The following UGGT2 variants were observed in gnomAD, a reference collection of about 807,000 sequenced individuals.
UGGT2 encodes the protein UDP-glucose glycoprotein glucosyltransferase 2.
UGGT2 carries 180 observed loss-of-function variants against 192.1 expected under a neutral mutation model. The observed-to-expected ratio is 0.94, with a 90% CI of 0.83 to 1.06. UGGT2 has a LOEUF of 1.06. Among genes scored for constraint, UGGT2 ranks in the 50% least tolerant of loss-of-function variants. The pLI is 0.00. For missense variants in UGGT2, 1,849 were observed against 1,795.7 expected, an observed-to-expected ratio of 1.03 and a Z score of -0.54; for synonymous variants, 580 against 591.0, an observed-to-expected ratio of 0.98 and a Z score of 0.27.
chr13:95,871,891 C>T (rs1891253654), intron 29 of UGGT2, among the ~76,000 whole-genome samples: 1 of 152,138 alleles, frequency 6.6e-6, no homozygotes, highest in African/African-American at 2.4e-5. Flanking sequence ...TACTGCAGAG[C>T]CAGCAAAGTT....
At chr13:95,965,112 G>T (rs1270452422) in intron 12 of UGGT2, among the ~76,000 whole-genome samples, 46 of 150,564 alleles carry the variant, frequency 3.1e-4, no homozygotes, top group African/African-American at 1.0e-3. Flanking sequence ...AGAGGATGTG[G>T]AGAAATAGGA....
At chr13:96,016,386 C>A (rs1018276809) in intron 4 of UGGT2, among the ~76,000 whole-genome samples, 3 of 152,196 alleles carry the variant, frequency 2.0e-5, no homozygotes, top group Non-Finnish European at 4.4e-5. Flanking sequence ...GGCAGCCCCT[C>A]TCATCATACA....
intron 10 of UGGT2, chr13:95,983,440 C>T: frequency 3.0e-6 from 1 of 332,754 alleles, no homozygotes; most frequent in South Asian, 2.6e-5. Flanking sequence ...ATTCTATCTG[C>T]TATAGGATTC....
chr13:95,959,636 G>A (rs1319829968), intron 12 of UGGT2, among the ~76,000 whole-genome samples: 1 of 152,160 alleles, frequency 6.6e-6, no homozygotes, highest in Non-Finnish European at 1.5e-5. Flanking sequence ...CTGGGCAATG[G>A]CTGACCCAGC....
chr13:96,022,246 G>T (rs954456675), intron 4 of UGGT2, among the ~76,000 whole-genome samples: 10 of 151,860 alleles, frequency 6.6e-5, no homozygotes, highest in African/African-American at 2.4e-4. Context: ...ATTACAGATA[G>T]ATTAAAAGTT....
chr13:95,950,201 CTCAAG>C (rs1475371094), intron 12 of UGGT2, among the ~76,000 whole-genome samples: 10 of 152,094 alleles, frequency 6.6e-5, no homozygotes, highest in Admixed American at 5.9e-4. Context: ...ACAAATTCCT[CTCAAG>C]TCATTTGCTG....
intron 1 of UGGT2, among the ~76,000 whole-genome samples, chr13:96,033,454 G>A (rs1275311721): frequency 1.3e-5 from 2 of 152,084 alleles, no homozygotes; most frequent in African/African-American, 2.4e-5. Context: ...GTGCTTTTGG[G>A]GGCTGAAGGC....
intron 20 of UGGT2, among the ~76,000 whole-genome samples, chr13:95,912,768 C>T (rs2048545507): frequency 6.6e-6 from 1 of 152,162 alleles, no homozygotes; most frequent in Admixed American, 6.5e-5. Context: ...AAAAAACAGC[C>T]TGCATTGCCA....
At chr13:95,987,776 G>A (rs1048608070) in intron 8 of UGGT2, among the ~76,000 whole-genome samples, 2 of 152,068 alleles carry the variant, frequency 1.3e-5, no homozygotes, top group African/African-American at 2.4e-5. Context: ...AGTCTCTCCA[G>A]AAGTATTTAC....
rs761544639 is a variant in UGGT2 at position 95,937,027 on chromosome 13, C to A, written c.1874G>T (p.Gly625Val). The change falls in exon 17 of 39, where the codon GGT (glycine) becomes GTT (valine). Residue 625 changes from glycine to valine, a missense_variant. Gly to Val is a moderately radical substitution (Grantham distance 109). Coordinates refer to ENST00000376747, the MANE Select transcript of UGGT2 (RefSeq NM_020121.4). ...LGPLPQALYN[G>V]EPFKHEEMNI... ...CATCTCTTCATGTTTAAAGGGTTCA[C>A]CATTATAAAGAGCTTGAGGCAAAGG... 25 of 1,605,518 alleles carry A rather than the reference C, an allele frequency of 1.6e-5. No individual in the cohort carries two copies. Among genetic ancestry groups the A allele is most frequent in the Non-Finnish European group, 4.2e-6 (5 of 1,178,292 alleles).
chr13:95,883,658 G>C (rs1341709283), intron 27 of UGGT2, among the ~76,000 whole-genome samples: 1 of 152,038 alleles, frequency 6.6e-6, no homozygotes, highest in African/African-American at 2.4e-5. Context: ...CCCTTCCACC[G>C]TGATGCCATG....
At chr13:95,944,257 G>A (rs2049790235) in intron 15 of UGGT2, among the ~76,000 whole-genome samples, 1 of 151,934 alleles carries the variant, frequency 6.6e-6, no homozygotes, top group Non-Finnish European at 1.5e-5. Context: ...TAGATTCATA[G>A]ACTAATTTAG....
intron 5 of UGGT2, among the ~76,000 whole-genome samples, chr13:96,003,855 C>G (rs909037263): frequency 6.6e-6 from 1 of 152,094 alleles, no homozygotes; most frequent in African/African-American, 2.4e-5. Flanking sequence ...TCAATATTTC[C>G]TTAAGCCACT....
In UGGT2 at chr13:95,854,235, G is replaced by GTGTAATTTTTAAGAAAACTC. The variant is rs1435400829; in HGVS notation, c.4169+79_4169+80insGAGTTTTCTTAAAAATTACA. On this transcript the variant is annotated intron_variant, in intron 35 of 38. Coordinates refer to ENST00000376747, the MANE Select transcript of UGGT2 (RefSeq NM_020121.4). ...TTATTGTGTAATTTTTAAGAAAACT[G>GTGTAATTTTTAAGAAAACTC]TGTAATTTTTAAGAAAACTGAAAGT... 2.0e-6 allele frequency: 3 copies of GTGTAATTTTTAAGAAAACTC among 1,464,636 alleles called. No individual in the cohort carries two copies. In the Admixed American group the frequency reaches 6.7e-5, roughly 33 times the overall value. The allele number at this position is 1,464,636 out of a possible 1,614,324, so 90.7% of individuals were successfully genotyped here.
Position 95,937,035 on chromosome 13 carries a change from A to C in UGGT2, c.1866T>G (p.Leu622=), listed in dbSNP as rs767308639. ...MTGLGPLPQA[L]YNGEPFKHEE... Reference sequence around the variant, plus strand: ...CATGTTTAAAGGGTTCACCATTATAAAGAGCTTGAGGCAAAGGACCCAGGC... The same window carrying C: ...CATGTTTAAAGGGTTCACCATTATACAGAGCTTGAGGCAAAGGACCCAGGC... The change falls in exon 17 of 39, where the codon CTT becomes CTG. Residue 622 remains leucine (L), a synonymous_variant. Transcript: ENST00000376747. 1 of 1,604,772 alleles carries C rather than the reference A, an allele frequency of 6.2e-7. No individual in the cohort carries two copies. The highest frequency in any genetic ancestry group is 2.2e-5 in the East Asian group (1 of 44,802).
intron 5 of UGGT2, among the ~76,000 whole-genome samples, chr13:96,002,769 T>C (rs760815600): frequency 1.3e-5 from 2 of 152,208 alleles, no homozygotes; most frequent in Non-Finnish European, 2.9e-5. Flanking sequence ...TTTTATATGA[T>C]GTTATTGTAG....
At chr13:95,963,814 T>G (rs950182310) in intron 12 of UGGT2, among the ~76,000 whole-genome samples, 1 of 152,082 alleles carries the variant, frequency 6.6e-6, no homozygotes, top group African/African-American at 2.4e-5. Context: ...GGAATTAATT[T>G]AACCAAGGAG....
intron 12 of UGGT2, among the ~76,000 whole-genome samples, chr13:95,965,079 A>C (rs1364956744): frequency 1.3e-5 from 2 of 150,774 alleles, no homozygotes; most frequent in Non-Finnish European, 3.0e-5. Context: ...ATCATTAAAA[A>C]GTCAGGAAAC....
At chr13:95,892,250 C>G (rs1181124444) in intron 24 of UGGT2, among the ~76,000 whole-genome samples, 1 of 152,138 alleles carries the variant, frequency 6.6e-6, no homozygotes. Context: ...ATAGTCCCCA[C>G]CATCTGATTA....
Sources: allele counts gnomAD v4.1 joint callset (sites outside exome capture counted in the v4.1 genomes callset), GRCh38; gene constraint gnomAD v4.1.1; transcripts MANE v1.5; gene names NCBI Gene and HGNC (gene_info 2026-07-23, HGNC 2026-07-21).